Variants in C17orf99 observed in about 807,000 individuals in gnomAD.
C17orf99 encodes chromosome 17 open reading frame 99.
Under a neutral mutation model 22.6 loss-of-function variants are expected in C17orf99, and 18 were observed. That is an observed-to-expected ratio of 0.80 (90% CI 0.55 to 1.18). The LOEUF (loss-of-function observed/expected upper bound fraction) is 1.18. Ranked by LOEUF, C17orf99 falls within the 50% of genes most tolerant of loss-of-function variation. The probability of loss-of-function intolerance (pLI) is 0.00; values close to 1 mark genes in which losing one functional copy is unlikely to be tolerated. For synonymous variants in C17orf99, 147 were observed against 136.6 expected (o/e 1.08, Z -0.53); for missense variants, 328 against 342.7 (o/e 0.96, Z 0.34).
rs1013069264 is a variant in C17orf99, at chr17:78,165,017, A to G, written c.640+653A>G. On this transcript the variant is annotated intron_variant, in intron 4 of 4. Transcript: ENST00000340363. ...CTCCAGGAGACCAAGGTGGACCAGG[A>G]GCTCCTGCCTTCTGTGAGAACCACC... 5 of 1,080,756 alleles carry G rather than the reference A, an allele frequency of 4.6e-6. No individual in the cohort carries two copies. The Admixed American group carries it at 2.6e-4, about 56-fold the overall frequency. 66.9% of individuals were successfully genotyped at this position (1,080,756 alleles called of 1,614,324 possible).
intron 2 of C17orf99, among the ~76,000 whole-genome samples, chr17:78,150,361 C>T (rs2075472076): frequency 6.6e-6 from 1 of 152,098 alleles, no homozygotes; most frequent in African/African-American, 2.4e-5. Flanking sequence ...CCCAGCTGGT[C>T]TTGAACTCCT....
chr17:78,157,741 G>A, intron 2 of C17orf99: 1 of 500,860 alleles, frequency 2.0e-6, no homozygotes, highest in Middle Eastern at 6.9e-4. Flanking sequence ...AGCTTGCGGT[G>A]AGCCGAGATT....
chr17:78,148,357 T>C lies in C17orf99; in HGVS notation c.70+1446T>C, dbSNP rs374321237. ...ACCATGCCCAGCTGATTTTTTTGTA[T>C]AAAGAAAATATTTTTTTAAATTAGC... On this transcript the variant is annotated intron_variant, in intron 2 of 4. Transcript: ENST00000340363. Among the ~76,000 whole-genome samples the C allele has an allele frequency of 3.7e-4, 56 of 152,198 alleles. No individual in the cohort carries two copies. The Middle Eastern group carries it at 0.014, about 37-fold the overall frequency.
chr17:78,156,438 A>C (rs1288298385), intron 2 of C17orf99, among the ~76,000 whole-genome samples: 1 of 151,806 alleles, frequency 6.6e-6, no homozygotes, highest in Non-Finnish European at 1.5e-5. Flanking sequence ...ATTTGCTTCC[A>C]AAACAGAGAA....
At chr17:78,163,951 G>A (rs2075597273) in intron 3 of C17orf99, 144 bp from the exon 4 acceptor site, 1 of 694,522 alleles carries the variant, frequency 1.4e-6, no homozygotes, top group Admixed American at 2.5e-5. Flanking sequence ...ACACAAGGTG[G>A]AGGGCAAACT....
intron 3 of C17orf99, among the ~76,000 whole-genome samples, chr17:78,163,125 A>G (rs2075590906): frequency 6.6e-6 from 1 of 152,194 alleles, no homozygotes; most frequent in African/African-American, 2.4e-5. Flanking sequence ...ATGGTGGTGC[A>G]TGCCTGTCGT....
chr17:78,153,732 G>A lies in C17orf99; in HGVS notation c.70+6821G>A, dbSNP rs1336808918. Among the ~76,000 whole-genome samples the A allele has an allele frequency of 4.6e-5, 7 of 152,068 alleles. No homozygotes were observed. The East Asian group carries it at 5.8e-4, about 13-fold the overall frequency. ...CGTGAGGCAGGCTTCTGGCCCCTGC[G>A]ATAGTTTCTGGACCATGAAGAGAAG... On this transcript the variant is annotated intron_variant, in intron 2 of 4. Coordinates refer to ENST00000340363, the MANE Select transcript of C17orf99 (RefSeq NM_001163075.2).
rs1274597763 is a variant in C17orf99, at chr17:78,146,426, T to C, written c.19T>C (p.Phe7Leu). 25 of 1,550,174 alleles carry C rather than the reference T, an allele frequency of 1.6e-5. No homozygotes were observed. Among genetic ancestry groups the C allele is most frequent in the Non-Finnish European group, 1.4e-5 (16 of 1,146,798 alleles). MGLPGL[F>L]CLAVLAASSF... ...CCGAGGCATGGGGCTCCCTGGGCTGTTCTGCTTGGCCGTGCTGGGTGAGTC... is the reference window on the plus strand; with the variant it reads ...CCGAGGCATGGGGCTCCCTGGGCTGCTCTGCTTGGCCGTGCTGGGTGAGTC... The change falls in exon 1 of 5, where the codon TTC becomes CTC. Residue 7 changes from phenylalanine (F) to leucine (L), a missense_variant. By Grantham distance (22) the Phe-to-Leu change is conservative. Coordinates refer to ENST00000340363, the MANE Select transcript of C17orf99 (RefSeq NM_001163075.2). The surrounding 1 kb of genome is among the most constrained non-coding windows in gnomAD (Gnocchi z 5.2).
At chr17:78,158,110 GAC>G (rs2075542919) in intron 2 of C17orf99, 2 of 891,486 alleles carry the variant, frequency 2.2e-6, no homozygotes. Context: ...TTGGCAAAGA[GAC>G]TGAGCAGAAG....
chr17:78,149,945 G>A (rs9897449), intron 2 of C17orf99, among the ~76,000 whole-genome samples: 7,870 of 151,906 alleles, frequency 0.052, 407 homozygotes, highest in African/African-American at 0.13. Context: ...GCTTGACCTC[G>A]TGATCTGCCC....
chr17:78,152,079 C>T (rs1238177278), intron 2 of C17orf99, among the ~76,000 whole-genome samples: 2 of 152,154 alleles, frequency 1.3e-5, no homozygotes, highest in African/African-American at 2.4e-5. Flanking sequence ...AGCTTCCTGT[C>T]CCGAGGGCAG....
At chr17:78,162,168 G>A (rs1032305970) in intron 3 of C17orf99, among the ~76,000 whole-genome samples, 5 of 151,472 alleles carry the variant, frequency 3.3e-5, no homozygotes, top group African/African-American at 1.2e-4. Flanking sequence ...CCCAGCTACT[G>A]GGGAGGCTGA....
chr17:78,164,937 A>G (rs1212324652), intron 4 of C17orf99: 2 of 1,151,718 alleles, frequency 1.7e-6, no homozygotes, highest in Non-Finnish European at 2.2e-6. Flanking sequence ...GGCCTCTGGG[A>G]GGGCAGTCTC....
chr17:78,149,148 A>G (rs545820654), intron 2 of C17orf99, among the ~76,000 whole-genome samples: 1 of 152,082 alleles, frequency 6.6e-6, no homozygotes, highest in South Asian at 2.1e-4. Context: ...CCTGACCAAT[A>G]TGGTGAAACC....
chr17:78,155,767 C>A (rs1209366442), intron 2 of C17orf99, among the ~76,000 whole-genome samples: 2 of 152,026 alleles, frequency 1.3e-5, no homozygotes, highest in African/African-American at 4.8e-5. Context: ...GCTGGGATTA[C>A]AGGCATGTAC....
intron 2 of C17orf99, among the ~76,000 whole-genome samples, chr17:78,159,324 A>G (rs894209307): frequency 1.3e-5 from 2 of 151,844 alleles, no homozygotes; most frequent in African/African-American, 2.4e-5. Context: ...ACGACAGAGC[A>G]AGACTCTGTC....
At chr17:78,151,653 T>C (rs1395256775) in intron 2 of C17orf99, among the ~76,000 whole-genome samples, 1 of 152,006 alleles carries the variant, frequency 6.6e-6, no homozygotes, top group Non-Finnish European at 1.5e-5. Flanking sequence ...TGAGTCTCCT[T>C]TCCTCTTCTC....
intron 2 of C17orf99, among the ~76,000 whole-genome samples, chr17:78,149,470 C>T (rs982021448): frequency 6.6e-6 from 1 of 151,648 alleles, no homozygotes; most frequent in Non-Finnish European, 1.5e-5. Flanking sequence ...GCTGGGTACA[C>T]GTGAAGGACC....
At chr17:78,151,911 T>C (rs1000691176) in intron 2 of C17orf99, among the ~76,000 whole-genome samples, 1 of 152,146 alleles carries the variant, frequency 6.6e-6, no homozygotes, top group Non-Finnish European at 1.5e-5. Flanking sequence ...GACTGGAATT[T>C]CTAAGCTTCC....
Sources: allele counts gnomAD v4.1 joint callset (sites outside exome capture counted in the v4.1 genomes callset), GRCh38; gene constraint gnomAD v4.1.1; non-coding constraint Gnocchi (gnomAD v3.1); transcripts MANE v1.5; gene names NCBI Gene and HGNC (gene_info 2026-07-23, HGNC 2026-07-21).